Variants in CCDC85A observed in about 807,000 individuals in gnomAD.
The protein encoded by CCDC85A is coiled-coil domain-containing protein 85A.
CCDC85A carries 38 observed loss-of-function variants against 50.2 expected under a neutral mutation model. The observed-to-expected ratio is 0.76, with a 90% CI of 0.58 to 0.99. The LOEUF is 0.99. Ranked by LOEUF, CCDC85A falls within the 50% of genes least tolerant of loss-of-function variation. CCDC85A has a pLI of 0.00. For missense variants in CCDC85A, 820 were observed against 742.0 expected, an observed-to-expected ratio of 1.11 and a Z score of -1.22; for synonymous variants, 366 against 301.4, an observed-to-expected ratio of 1.21 and a Z score of -2.22.
Position 56,193,089 on chromosome 2 carries a change from C to T in CCDC85A, c.889C>T (p.His297Tyr), listed in dbSNP as rs1156883505. 1 of 1,613,772 alleles carries T rather than the reference C, an allele frequency of 6.2e-7. No homozygotes were observed. The highest frequency in any genetic ancestry group is 2.2e-5 in the East Asian group (1 of 44,852). The stretch of plus-strand genomic sequence containing the variant: ...CAGCCCCGAACAGCAAAGGCACCCG[C>T]ATCCAGGGAGCAGCCCCGAAACGCT... Reference protein sequence around the residue: ...KGSPEQQRHPHPGSSPETLPK... With the variant: ...KGSPEQQRHPYPGSSPETLPK... Residue 297 changes from histidine (H) to tyrosine (Y), a missense_variant, in exon 2 of 6, where the codon CAT becomes TAT. His to Tyr is a moderately conservative substitution (Grantham distance 83). Transcript: ENST00000407595.
chr2:56,230,706 C>G (rs1668737582), intron 2 of CCDC85A, among the ~76,000 whole-genome samples: 1 of 152,154 alleles, frequency 6.6e-6, no homozygotes, highest in Admixed American at 6.5e-5. Flanking sequence ...TATTCTTTTT[C>G]AAAATAACAA....
At chr2:56,222,508 C>A (rs1424565115) in intron 2 of CCDC85A, among the ~76,000 whole-genome samples, 1 of 152,082 alleles carries the variant, frequency 6.6e-6, no homozygotes, top group African/African-American at 2.4e-5. Context: ...ACCCACTGGG[C>A]TGGAATTTTT....
At chr2:56,249,659 A>T (rs1254338637) in intron 2 of CCDC85A, among the ~76,000 whole-genome samples, 1 of 152,192 alleles carries the variant, frequency 6.6e-6, no homozygotes, top group Non-Finnish European at 1.5e-5. Context: ...AGCCTTCACG[A>T]AGTAGCTTTT....
At chr2:56,326,871 G>A in intron 2 of CCDC85A, among the ~76,000 whole-genome samples, 1 of 151,338 alleles carries the variant, frequency 6.6e-6, no homozygotes, top group East Asian at 1.9e-4. Flanking sequence ...AATTTTTTCA[G>A]TGCAAAGAGT....
chr2:56,261,227 G>A (rs2104022248), intron 2 of CCDC85A, among the ~76,000 whole-genome samples: 1 of 152,266 alleles, frequency 6.6e-6, no homozygotes, highest in East Asian at 1.9e-4. Flanking sequence ...AAACCATAAT[G>A]CCATTCTTAT....
At chr2:56,254,862 G>A (rs1669914050) in intron 2 of CCDC85A, among the ~76,000 whole-genome samples, 1 of 152,132 alleles carries the variant, frequency 6.6e-6, no homozygotes, top group Non-Finnish European at 1.5e-5. Flanking sequence ...TGTCTGATGG[G>A]GTAGTTTGAT....
At chr2:56,321,243 C>T (rs1025214001) in intron 2 of CCDC85A, among the ~76,000 whole-genome samples, 8 of 152,100 alleles carry the variant, frequency 5.3e-5, no homozygotes, top group Non-Finnish European at 1.0e-4. Context: ...GACAGGGATG[C>T]CCTCTCTCAC....
intron 2 of CCDC85A, among the ~76,000 whole-genome samples, chr2:56,271,187 G>A (rs978403337): frequency 2.0e-5 from 3 of 152,194 alleles, no homozygotes; most frequent in Admixed American, 6.5e-5. Context: ...TGAGGCAGGC[G>A]TCAAATGTGG....
At chr2:56,214,732 CAT>C (rs1677322960) in intron 2 of CCDC85A, among the ~76,000 whole-genome samples, 1 of 151,866 alleles carries the variant, frequency 6.6e-6, no homozygotes, top group Non-Finnish European at 1.5e-5. Context: ...ATTTCACTGA[CAT>C]ATGTGTTTGT....
At chr2:56,323,376 G>C (rs149310851) in intron 2 of CCDC85A, among the ~76,000 whole-genome samples, 1 of 152,190 alleles carries the variant, frequency 6.6e-6, no homozygotes, top group East Asian at 1.9e-4. Context: ...AAATGGGGGT[G>C]AATCTCACCA....
chr2:56,298,823 C>G (rs1321619009), intron 2 of CCDC85A, among the ~76,000 whole-genome samples: 1 of 152,058 alleles, frequency 6.6e-6, no homozygotes, highest in East Asian at 1.9e-4. Context: ...ACTTTTGTGG[C>G]CTTTGAAATG....
rs185029170 is a variant in CCDC85A at position 56,211,399 on chromosome 2, C to T, written c.1240+17959C>T. Among the ~76,000 whole-genome samples, 535 of 151,950 alleles carry T rather than the reference C, an allele frequency of 3.5e-3. 4 individuals are homozygous for T. Among genetic ancestry groups the T allele is most frequent in the Middle Eastern group, 0.01 (3 of 294 alleles). The stretch of plus-strand genomic sequence containing the variant: ...TCTTATTCTTGGTTATGTGCATTTC[C>T]TCCTGCATTTTTTTATTCTGGGGAG... On this transcript the variant is annotated intron_variant, in intron 2 of 5. Transcript: ENST00000407595.
Position 56,385,071 on chromosome 2 carries a change from G to A in CCDC85A, c.*716G>A, listed in dbSNP as rs1408426420. ...ATATATCTTTTTTTTTCATCTTAAT[G>A]AGTTTCTCATAAAGACACATCTTGG... On this transcript the variant is annotated 3_prime_UTR_variant, in exon 6 of 6. Transcript: ENST00000407595. 6.6e-6 allele frequency: 1 copy of A among 151,710 alleles called. No homozygotes were observed. Among genetic ancestry groups the A allele is most frequent in the East Asian group, 2.0e-4 (1 of 5,126 alleles). 9.4% of individuals were successfully genotyped at this position (151,710 alleles called of 1,614,324 possible).
intron 2 of CCDC85A, among the ~76,000 whole-genome samples, chr2:56,240,481 A>C (rs1239032683): frequency 6.6e-6 from 1 of 152,034 alleles, no homozygotes; most frequent in African/African-American, 2.4e-5. Flanking sequence ...TTTTCGCTTC[A>C]TTCTTCATTC....
chr2:56,241,493 C>A (rs949767789), intron 2 of CCDC85A, among the ~76,000 whole-genome samples: 8 of 151,938 alleles, frequency 5.3e-5, no homozygotes, highest in Non-Finnish European at 1.2e-4. Context: ...CATTATCTTT[C>A]TGGGCCTCTG....
intron 2 of CCDC85A, among the ~76,000 whole-genome samples, chr2:56,325,467 C>T (rs1673420211): frequency 6.6e-6 from 1 of 152,032 alleles, no homozygotes; most frequent in Admixed American, 6.6e-5. Context: ...AATTTCTGTT[C>T]TAATGTCTGT....
intron 2 of CCDC85A, among the ~76,000 whole-genome samples, chr2:56,275,131 G>A (rs994013106): frequency 2.7e-5 from 4 of 149,394 alleles, no homozygotes; most frequent in East Asian, 1.9e-4. Flanking sequence ...AGTGGGGGTC[G>A]GGGGGGAATT....
intron 2 of CCDC85A, among the ~76,000 whole-genome samples, chr2:56,228,383 G>T (rs1242031720): frequency 6.6e-6 from 1 of 151,898 alleles, no homozygotes; most frequent in Non-Finnish European, 1.5e-5. Flanking sequence ...TTACAAGGTT[G>T]TTATCAGGAT....
chr2:56,382,328 G>A (rs1676624777), intron 5 of CCDC85A, among the ~76,000 whole-genome samples: 1 of 151,904 alleles, frequency 6.6e-6, no homozygotes, highest in African/African-American at 2.4e-5. Flanking sequence ...TAGAACTTGG[G>A]ACCACAGAAG....
Sources: gnomAD v4.1 joint callset for allele counts (sites outside exome capture counted in the v4.1 genomes callset) on GRCh38, gnomAD v4.1.1 for gene constraint, MANE v1.5 for transcripts, NCBI Gene and HGNC (gene_info 2026-07-23, HGNC 2026-07-21) for gene names.